The following GABRG3 variants were observed in gnomAD, a reference collection of about 807,000 sequenced individuals.
The protein encoded by GABRG3 is gamma-aminobutyric acid receptor subunit gamma-3.
In GABRG3, 25 loss-of-function variants were observed where a neutral mutation model predicts 48.8. The ratio of observed to expected loss-of-function variants is 0.51; its 90% CI spans 0.37 to 0.72. The LOEUF is 0.72. Among genes scored for constraint, GABRG3 ranks in the 30% least tolerant of loss-of-function variants. The pLI is 0.00. For synonymous variants in GABRG3, 227 were observed against 217.6 expected (o/e 1.04, Z -0.38); for missense variants, 394 against 577.9 (o/e 0.68, Z 3.26).
intron 2 of GABRG3, among the ~76,000 whole-genome samples, chr15:26,998,150 G>C (rs1707221944): frequency 6.6e-6 from 1 of 152,186 alleles, no homozygotes; most frequent in South Asian, 2.1e-4. Flanking sequence ...TTTTGTGATT[G>C]CTTCTTTCTC....
intron 3 of GABRG3, among the ~76,000 whole-genome samples, chr15:27,144,768 A>G (rs1032753104): frequency 3.9e-5 from 6 of 152,220 alleles, no homozygotes; most frequent in African/African-American, 1.4e-4. Flanking sequence ...ATGCTAAGTG[A>G]ATGTTAATAA....
intron 3 of GABRG3, among the ~76,000 whole-genome samples, chr15:27,081,520 ATTGT>A (rs1896992104): frequency 6.6e-6 from 1 of 152,006 alleles, no homozygotes; most frequent in Admixed American, 6.6e-5. Flanking sequence ...AAATATGTTC[ATTGT>A]TTGAGGAGTT....
At chr15:26,979,314 C>T (rs1313714846) in intron 2 of GABRG3, among the ~76,000 whole-genome samples, 1 of 152,130 alleles carries the variant, frequency 6.6e-6, no homozygotes, top group Non-Finnish European at 1.5e-5. Context: ...TTCTTGCTCT[C>T]CAATCTGAGT....
intron 3 of GABRG3, among the ~76,000 whole-genome samples, chr15:27,176,501 C>T (rs1006398457): frequency 6.6e-6 from 1 of 152,160 alleles, no homozygotes; most frequent in African/African-American, 2.4e-5. Flanking sequence ...GATAATAAAA[C>T]ATGAGGAGTA....
At chr15:27,408,350 A>C (rs941513697) in intron 5 of GABRG3, among the ~76,000 whole-genome samples, 5 of 152,190 alleles carry the variant, frequency 3.3e-5, no homozygotes, top group Non-Finnish European at 7.3e-5. Context: ...AAATGAAAAT[A>C]TAGTTGAGAA....
intron 3 of GABRG3, among the ~76,000 whole-genome samples, chr15:27,225,934 G>C (rs1793578347): frequency 6.6e-6 from 1 of 152,144 alleles, no homozygotes; most frequent in Non-Finnish European, 1.5e-5. Context: ...CTGTGACTAA[G>C]ATGATTGGCA....
intron 6 of GABRG3, among the ~76,000 whole-genome samples, chr15:27,517,442 G>A (rs1390479461): frequency 6.6e-6 from 1 of 152,208 alleles, no homozygotes; most frequent in East Asian, 1.9e-4. Flanking sequence ...GGATGCCCAG[G>A]TAGACTTCTG....
intron 3 of GABRG3, among the ~76,000 whole-genome samples, chr15:27,275,414 A>G (rs1015972048): frequency 6.6e-6 from 1 of 152,208 alleles, no homozygotes; most frequent in African/African-American, 2.4e-5. Context: ...TAAAATAACA[A>G]TATTTTTAGT....
intron 3 of GABRG3, among the ~76,000 whole-genome samples, chr15:27,079,126 G>C (rs1426361628): frequency 6.6e-6 from 1 of 152,124 alleles, no homozygotes; most frequent in Non-Finnish European, 1.5e-5. Context: ...GCATGGCCCA[G>C]CTGATGACTT....
rs1477467510 is a variant in GABRG3, at chr15:27,083,084, A to G, written c.270+56263A>G. On this transcript the variant is annotated intron_variant, in intron 3 of 9. Transcript: ENST00000615808. ...GGTAAAGATCAAACCAGCCTAAACTATATAAAATACATTTTCATGTTTTTA... is the reference window on the plus strand; with the variant it reads ...GGTAAAGATCAAACCAGCCTAAACTGTATAAAATACATTTTCATGTTTTTA... Among the ~76,000 whole-genome samples, 9 of 152,258 alleles carry G rather than the reference A, an allele frequency of 5.9e-5. No homozygotes were observed. The East Asian group carries it at 1.7e-3, about 29-fold the overall frequency.
chr15:27,307,678 C>CCT (rs1449317230), intron 3 of GABRG3, among the ~76,000 whole-genome samples: 3 of 119,292 alleles, frequency 2.5e-5, no homozygotes, highest in Admixed American at 1.8e-4. Context: ...TATATATAAA[C>CCT]ATAGGTTTAT....
chr15:27,106,668 A>G (rs993350964), intron 3 of GABRG3, among the ~76,000 whole-genome samples: 10 of 152,078 alleles, frequency 6.6e-5, no homozygotes, highest in African/African-American at 2.4e-4. Flanking sequence ...ACAATTTATA[A>G]GATTTAGCAG....
At chr15:27,119,983 A>G (rs1726435672) in intron 3 of GABRG3, among the ~76,000 whole-genome samples, 1 of 152,214 alleles carries the variant, frequency 6.6e-6, no homozygotes, top group Non-Finnish European at 1.5e-5. Flanking sequence ...GAAGCAAGCC[A>G]CAGGTCCTTG....
intron 5 of GABRG3, among the ~76,000 whole-genome samples, chr15:27,426,394 T>G (rs1426123370): frequency 6.6e-6 from 1 of 152,230 alleles, no homozygotes; most frequent in Admixed American, 6.5e-5. Context: ...TGCAGAAGCC[T>G]GGTGTCCAAG....
chr15:27,252,854 A>G (rs554658339), intron 3 of GABRG3, among the ~76,000 whole-genome samples: 1 of 152,372 alleles, frequency 6.6e-6, no homozygotes, highest in South Asian at 2.1e-4. Flanking sequence ...CTAGTGATTT[A>G]AAATTCTAAA....
chr15:27,288,693 A>G (rs543034612), intron 3 of GABRG3, among the ~76,000 whole-genome samples: 4 of 150,272 alleles, frequency 2.7e-5, no homozygotes, highest in South Asian at 4.2e-4. Context: ...AGCCTGGGCA[A>G]CAAGAGCAAA....
At chr15:27,276,007 C>T (rs1891240291) in intron 3 of GABRG3, among the ~76,000 whole-genome samples, 2 of 152,224 alleles carry the variant, frequency 1.3e-5, no homozygotes, top group African/African-American at 4.8e-5. Context: ...AAAAAATATG[C>T]ATGATCCTGC....
At chr15:27,205,320 TTTTTG>T (rs1566964649) in intron 3 of GABRG3, among the ~76,000 whole-genome samples, 1 of 152,194 alleles carries the variant, frequency 6.6e-6, no homozygotes, top group African/African-American at 2.4e-5. Flanking sequence ...GATCATGTGC[TTTTTG>T]TTTTTAGTTC....
intron 3 of GABRG3, among the ~76,000 whole-genome samples, chr15:27,242,049 G>T (rs1052897915): frequency 1.4e-4 from 21 of 152,206 alleles, no homozygotes; most frequent in African/African-American, 5.1e-4. Context: ...TTCTCCCTCA[G>T]AGCTCTGCTG....
Sources: allele counts gnomAD v4.1 joint callset (sites outside exome capture counted in the v4.1 genomes callset), GRCh38; gene constraint gnomAD v4.1.1; transcripts MANE v1.5; gene names NCBI Gene and HGNC (gene_info 2026-07-23, HGNC 2026-07-21).